PCNX2: variants seen among roughly 807,000 people sequenced by gnomAD.
PCNX2 encodes the protein pecanex-like protein 2.
PCNX2 carries 168 observed loss-of-function variants against 223.8 expected under a neutral mutation model. The observed-to-expected ratio is 0.75, with a 90% CI of 0.66 to 0.85. The LOEUF (loss-of-function observed/expected upper bound fraction) is 0.85. Among genes scored for constraint, PCNX2 ranks in the 40% least tolerant of loss-of-function variants. PCNX2 has a pLI of 0.00. For missense variants in PCNX2, 2,507 were observed against 2,675.5 expected, an observed-to-expected ratio of 0.94 and a Z score of 1.39; for synonymous variants, 1,006 against 1,052.6, an observed-to-expected ratio of 0.96 and a Z score of 0.86.
At chr1:233,061,012 C>A (rs927087939) in intron 23 of PCNX2, among the ~76,000 whole-genome samples, 6 of 152,192 alleles carry the variant, frequency 3.9e-5, no homozygotes, top group Admixed American at 6.5e-5. Context: ...TTCATCTGAA[C>A]AACTTAAATA....
chr1:233,014,906 C>G (rs952941668), intron 27 of PCNX2, 129 bp from the exon 28 acceptor site: 10 of 568,356 alleles, frequency 1.8e-5, no homozygotes, highest in Non-Finnish European at 3.1e-5. Flanking sequence ...CTAAGATGAC[C>G]CCACAGACAG....
At chr1:233,189,846 T>C (rs1680317550) in intron 15 of PCNX2, among the ~76,000 whole-genome samples, 1 of 152,222 alleles carries the variant, frequency 6.6e-6, no homozygotes, top group Non-Finnish European at 1.5e-5. Context: ...AAAGCCCAGT[T>C]AATTAACTAC....
At chr1:233,086,370 A>G (rs1046633016) in intron 23 of PCNX2, among the ~76,000 whole-genome samples, 4 of 152,192 alleles carry the variant, frequency 2.6e-5, no homozygotes, top group Non-Finnish European at 5.9e-5. Flanking sequence ...TTTAAAATTC[A>G]GTTCCAGCCG....
chr1:233,187,224 G>A (rs1276202610), intron 15 of PCNX2, among the ~76,000 whole-genome samples: 1 of 152,098 alleles, frequency 6.6e-6, no homozygotes, highest in Non-Finnish European at 1.5e-5. Flanking sequence ...ATTTTACAAT[G>A]AGGAAACAGG....
the PCNX2 span, among the ~76,000 whole-genome samples, chr1:233,325,146 C>T: frequency 6.6e-6 from 1 of 152,092 alleles, no homozygotes; most frequent in South Asian, 2.1e-4. Flanking sequence ...CCAAAGATAG[C>T]AATTGCTCTG....
At chr1:233,045,094 T>C (rs1671781957) in intron 25 of PCNX2, among the ~76,000 whole-genome samples, 2 of 152,198 alleles carry the variant, frequency 1.3e-5, no homozygotes, top group African/African-American at 4.8e-5. Context: ...CTATTCTAGG[T>C]TTGGGCAATT....
intron 25 of PCNX2, among the ~76,000 whole-genome samples, chr1:233,043,688 A>G (rs1415654541): frequency 1.2e-3 from 2 of 1,736 alleles, no homozygotes; most frequent in East Asian, 0.017. Context: ...TAGTTTACTG[A>G]GAATGATGAT....
the PCNX2 span, among the ~76,000 whole-genome samples, chr1:233,302,645 C>CAT: frequency 0.22 from 32,719 of 147,450 alleles, 4,320 homozygotes; most frequent in East Asian, 0.39. Context: ...CTCCTTCCAT[C>CAT]ATATATATAT....
chr1:233,182,353 C>A (rs1411288000), intron 15 of PCNX2, among the ~76,000 whole-genome samples: 1 of 152,108 alleles, frequency 6.6e-6, no homozygotes, highest in African/African-American at 2.4e-5. Context: ...TCCATTGCAT[C>A]CTGTCTGGTT....
intron 21 of PCNX2, among the ~76,000 whole-genome samples, chr1:233,129,409 G>A (rs1676313428): frequency 6.6e-6 from 1 of 152,202 alleles, no homozygotes; most frequent in African/African-American, 2.4e-5. Flanking sequence ...CGCCGCGGTG[G>A]GCTCCTGGCA....
intron 26 of PCNX2, among the ~76,000 whole-genome samples, chr1:233,017,825 TATG>T (rs1670738976): frequency 6.6e-6 from 1 of 152,192 alleles, no homozygotes. Flanking sequence ...ACATAATTTG[TATG>T]ATGAGGAAGA....
intron 1 of PCNX2, among the ~76,000 whole-genome samples, chr1:233,278,185 G>A (rs903481842): frequency 6.6e-6 from 1 of 152,096 alleles, no homozygotes; most frequent in Non-Finnish European, 1.5e-5. Flanking sequence ...AGTCAACACT[G>A]GGCCCTTTCT....
chr1:233,085,625 G>C (rs760356607), intron 23 of PCNX2, among the ~76,000 whole-genome samples: 44 of 152,072 alleles, frequency 2.9e-4, no homozygotes, highest in Non-Finnish European at 5.7e-4. Flanking sequence ...AAATAGAATG[G>C]GAGAGAATCG....
chr1:233,136,646 C>A (rs912306894), intron 20 of PCNX2, among the ~76,000 whole-genome samples: 8 of 152,188 alleles, frequency 5.3e-5, no homozygotes, highest in Admixed American at 3.9e-4. Flanking sequence ...TGCAGCAAGG[C>A]TGAACATTGC....
In PCNX2 at chr1:233,011,147, T is replaced by C. The variant is rs1006599327; in HGVS notation, c.4952+3518A>G. 5.8e-4 allele frequency among the ~76,000 whole-genome samples: 88 copies of C among 152,316 alleles called. 1 individual carries two copies. The highest frequency in any genetic ancestry group is 1.9e-3 in the African/African-American group (81 of 41,580). The stretch of plus-strand genomic sequence containing the variant: ...ATTCTTACTTTGCACATGAATATAA[T>C]CATACTAAAAGATTAGCAAATTGAA... On this transcript the variant is annotated intron_variant, in intron 28 of 33. Coordinates refer to ENST00000258229, the MANE Select transcript of PCNX2 (RefSeq NM_014801.4).
intron 13 of PCNX2, among the ~76,000 whole-genome samples, chr1:233,206,298 CCTT>C: frequency 6.6e-6 from 1 of 151,984 alleles, no homozygotes; most frequent in Non-Finnish European, 1.5e-5. Context: ...TATGCTTTCT[CCTT>C]CTCTAATCTC....
intron 21 of PCNX2, among the ~76,000 whole-genome samples, chr1:233,130,147 C>T (rs1676384517): frequency 6.6e-6 from 1 of 152,146 alleles, no homozygotes; most frequent in South Asian, 2.1e-4. Context: ...ACGAACCCAC[C>T]AGAAGGAAGA....
rs138146177 is a variant in PCNX2 at position 233,186,264 on chromosome 1, C to T, written c.3067-7089G>A. Among the ~76,000 whole-genome samples, 1,321 of 152,196 alleles carry T rather than the reference C, an allele frequency of 8.7e-3. 23 individuals are homozygous for T. The highest frequency in any genetic ancestry group is 0.03 in the African/African-American group (1,264 of 41,522). On this transcript the variant is annotated intron_variant, in intron 15 of 33. Transcript: ENST00000258229. ...TTTTTGAGATTGAGGTTTTATACAT[C>T]CTAAAATAAGAACGAGATTGTACCA...
At chr1:233,116,397 C>T (rs1169692028) in intron 21 of PCNX2, among the ~76,000 whole-genome samples, 1 of 151,972 alleles carries the variant, frequency 6.6e-6, no homozygotes, top group African/African-American at 2.4e-5. Context: ...AACACACAGA[C>T]ATTAAAACAA....
Sources: allele counts gnomAD v4.1 joint callset (sites outside exome capture counted in the v4.1 genomes callset), GRCh38; gene constraint gnomAD v4.1.1; transcripts MANE v1.5; gene names NCBI Gene and HGNC (gene_info 2026-07-23, HGNC 2026-07-21).